DOCK2: variants seen among roughly 807,000 people sequenced by gnomAD.
DOCK2 encodes dedicator of cytokinesis 2, also known as dedicator of cytokinesis protein 2.
A neutral mutation model predicts 248.9 loss-of-function variants in DOCK2; 87 were observed. That is an observed-to-expected ratio of 0.35 (90% confidence interval 0.29 to 0.42). The LOEUF (loss-of-function observed/expected upper bound fraction) is 0.42, where lower values mean the gene tolerates loss of function less well. Among genes scored for constraint, DOCK2 ranks in the 10% least tolerant of loss-of-function variants. The pLI is 1.00. For missense variants in DOCK2, 1,747 were observed against 2,300.2 expected (o/e 0.76, Z 4.92); for synonymous variants, 805 against 821.6 (o/e 0.98, Z 0.35).
intron 47 of DOCK2, among the ~76,000 whole-genome samples, chr5:170,076,421 C>T (rs1383593157): frequency 1.3e-5 from 2 of 152,222 alleles, no homozygotes; most frequent in Non-Finnish European, 2.9e-5. Context: ...TTAATCCTCA[C>T]CACAAGCCTG....
rs760177810 is a variant in DOCK2 at position 169,840,757 on chromosome 5, G to A, written c.2704G>A (p.Ala902Thr). The A allele has an allele frequency of 6.2e-7, 1 of 1,613,700 alleles. No homozygotes were observed. The highest frequency in any genetic ancestry group is 1.7e-5 in the Admixed American group (1 of 59,984). Residue 902 changes from alanine to threonine, a missense_variant and splice_region_variant, in exon 27 of 52, where the codon GCC becomes ACC. Physicochemically the swap from Ala to Thr is moderately conservative, Grantham distance 58. Coordinates refer to ENST00000520908, the MANE Select transcript of DOCK2 (RefSeq NM_004946.3). Reference protein sequence around the residue: ...ILEVLSYQDAAFTYHHIQEIM... With the variant: ...ILEVLSYQDATFTYHHIQEIM... ...ATAGATGTCTCTGACTGTTTTACAGGCCTTCACCTACCACCATATCCAGGA... is the reference window on the plus strand; with the variant it reads ...ATAGATGTCTCTGACTGTTTTACAGACCTTCACCTACCACCATATCCAGGA...
At chr5:169,959,661 T>C (rs193125435) in intron 27 of DOCK2, among the ~76,000 whole-genome samples, 9 of 152,264 alleles carry the variant, frequency 5.9e-5, no homozygotes, top group Middle Eastern at 3.4e-3. Context: ...TAAAGGACTT[T>C]AGGGAGTCCG....
intron 26 of DOCK2, among the ~76,000 whole-genome samples, chr5:169,831,437 CTGTT>C (rs1455852174): frequency 6.6e-6 from 1 of 152,220 alleles, no homozygotes; most frequent in Non-Finnish European, 1.5e-5. Flanking sequence ...GTGCACACAA[CTGTT>C]TGTCTTATGA....
chr5:170,062,106 TGTGTG>T (rs1757350009), intron 44 of DOCK2, among the ~76,000 whole-genome samples: 1 of 91,498 alleles, frequency 1.1e-5, no homozygotes, highest in African/African-American at 5.0e-5. Flanking sequence ...TATGAGTGTG[TGTGTG>T]TGTGTGTGTG....
chr5:169,671,469 A>G (rs1759047932), intron 5 of DOCK2, among the ~76,000 whole-genome samples: 1 of 152,234 alleles, frequency 6.6e-6, no homozygotes, highest in African/African-American at 2.4e-5. Flanking sequence ...TGTTAAAAAT[A>G]AAGCTTCCTC....
intron 27 of DOCK2, among the ~76,000 whole-genome samples, chr5:169,946,329 G>A (rs1776447272): frequency 6.6e-6 from 1 of 152,194 alleles, no homozygotes; most frequent in Admixed American, 6.5e-5. Flanking sequence ...TGGTGTGTTT[G>A]CTCTCTAACT....
At chr5:169,863,516 G>C (rs1478999946) in intron 27 of DOCK2, among the ~76,000 whole-genome samples, 1 of 152,218 alleles carries the variant, frequency 6.6e-6, no homozygotes, top group East Asian at 1.9e-4. Flanking sequence ...AGGCAGAGAA[G>C]AAGCATGATG....
At chr5:169,918,516 G>A (rs148946479) in intron 27 of DOCK2, among the ~76,000 whole-genome samples, 9 of 152,306 alleles carry the variant, frequency 5.9e-5, no homozygotes, top group African/African-American at 2.2e-4. Flanking sequence ...GACTGAGATG[G>A]ATCCATATGT....
intron 7 of DOCK2, among the ~76,000 whole-genome samples, chr5:169,682,526 A>G (rs1759723018): frequency 1.3e-5 from 2 of 152,230 alleles, no homozygotes; most frequent in Admixed American, 6.5e-5. Context: ...GGGGTTTTGG[A>G]AAAGAGTTGT....
chr5:170,006,312 GTGTTTT>G (rs1334515076), intron 30 of DOCK2, among the ~76,000 whole-genome samples: 1 of 152,082 alleles, frequency 6.6e-6, no homozygotes, highest in Non-Finnish European at 1.5e-5. Context: ...ATGATCTGAT[GTGTTTT>G]TGTTTTTGTT....
chr5:169,702,900 C>T (rs763921797), intron 14 of DOCK2, among the ~76,000 whole-genome samples: 6 of 152,192 alleles, frequency 3.9e-5, no homozygotes, highest in East Asian at 1.9e-4. Flanking sequence ...AACTCCCCAG[C>T]GCTCAGCCAG....
chr5:170,016,659 C>A (rs1169958600), intron 32 of DOCK2, among the ~76,000 whole-genome samples: 4 of 152,162 alleles, frequency 2.6e-5, no homozygotes, highest in African/African-American at 9.7e-5. Flanking sequence ...TATTTTAAAC[C>A]ATCTAAAATT....
intron 26 of DOCK2, among the ~76,000 whole-genome samples, chr5:169,834,860 A>G (rs907282256): frequency 2.0e-5 from 3 of 152,268 alleles, no homozygotes; most frequent in African/African-American, 7.2e-5. Flanking sequence ...AGTGAAAACA[A>G]GCAAACAGAA....
At chr5:169,818,655 AC>A (rs1768223395) in intron 26 of DOCK2, among the ~76,000 whole-genome samples, 2 of 152,134 alleles carry the variant, frequency 1.3e-5, no homozygotes, top group Non-Finnish European at 2.9e-5. Flanking sequence ...TCTGGTGGTG[AC>A]AGAGAAGGCA....
chr5:169,828,640 T>C (rs1769026780), intron 26 of DOCK2, among the ~76,000 whole-genome samples: 1 of 152,196 alleles, frequency 6.6e-6, no homozygotes, highest in Non-Finnish European at 1.5e-5. Flanking sequence ...TTTTGGTTTC[T>C]CCCATTTCCT....
intron 27 of DOCK2, among the ~76,000 whole-genome samples, chr5:169,920,663 A>T (rs1489319530): frequency 2.0e-5 from 3 of 152,236 alleles, no homozygotes; most frequent in Admixed American, 1.3e-4. Context: ...CCCCAGTGGC[A>T]GGTGATGGAC....
At chr5:169,664,822 A>G (rs1410973157) in intron 2 of DOCK2, among the ~76,000 whole-genome samples, 3 of 152,202 alleles carry the variant, frequency 2.0e-5, no homozygotes, top group African/African-American at 7.2e-5. Flanking sequence ...GGGGACACAA[A>G]GCCAAATCAT....
chr5:169,644,192 A>G (rs1162603261), intron 1 of DOCK2, among the ~76,000 whole-genome samples: 1 of 152,130 alleles, frequency 6.6e-6, no homozygotes, highest in African/African-American at 2.4e-5. Context: ...GGAGGGGGAC[A>G]TTGCAGGATT....
rs577275945 is a variant in DOCK2, at chr5:170,058,583, C to T, written c.4467+917C>T. ...GCTGACATTGAAGAGAGAGACATTC[C>T]AGCAGAGGAGACAGCAAGTGAAAAG... On this transcript the variant is annotated intron_variant, in intron 44 of 51. Transcript: ENST00000520908. Among the ~76,000 whole-genome samples, 45 of 152,186 alleles carry T rather than the reference C, an allele frequency of 3.0e-4. 1 individual carries two copies. The South Asian group carries it at 8.7e-3, about 29-fold the overall frequency.
Sources: allele counts gnomAD v4.1 joint callset (sites outside exome capture counted in the v4.1 genomes callset), GRCh38; gene constraint gnomAD v4.1.1; transcripts MANE v1.5; gene names NCBI Gene and HGNC (gene_info 2026-07-23, HGNC 2026-07-21).